NDNF: variants seen among roughly 807,000 people sequenced by gnomAD.
NDNF encodes neuron derived neurotrophic factor, also known as protein NDNF.
A neutral mutation model predicts 42.0 loss-of-function variants in NDNF; 16 were observed. The ratio of observed to expected loss-of-function variants is 0.38; its 90% CI spans 0.26 to 0.58. NDNF has a LOEUF of 0.58. NDNF is among the 20% of genes least tolerant of loss of function. The pLI is 0.67. For synonymous variants in NDNF, 248 were observed against 251.7 expected, an observed-to-expected ratio of 0.99 and a Z score of 0.14; for missense variants, 616 against 666.2, an observed-to-expected ratio of 0.92 and a Z score of 0.83.
intron 3 of NDNF, 37 bp downstream of exon 3, chr4:121,039,893 T>C: frequency 6.3e-7 from 1 of 1,594,076 alleles, no homozygotes. Context: ...AAACCATCCA[T>C]TCAAAGGTCC....
chr4:121,070,776 C>A (rs753746190), intron 1 of NDNF, among the ~76,000 whole-genome samples: 1 of 152,160 alleles, frequency 6.6e-6, no homozygotes, highest in East Asian at 1.9e-4. Context: ...CCCAGACATA[C>A]ACTCAGGTTC....
chr4:121,038,391 T>TAAAATAAAAC (rs1560602803), intron 3 of NDNF, among the ~76,000 whole-genome samples: 4 of 149,504 alleles, frequency 2.7e-5, no homozygotes, highest in East Asian at 2.0e-4. Context: ...TAAAATAAAA[T>TAAAATAAAAC]AAAACAAAAC....
chr4:121,054,322 C>G (rs1048298591), intron 1 of NDNF, among the ~76,000 whole-genome samples: 1 of 152,222 alleles, frequency 6.6e-6, no homozygotes, highest in Non-Finnish European at 1.5e-5. Flanking sequence ...AGCATTTCTA[C>G]TCATTCATTA....
intron 1 of NDNF, among the ~76,000 whole-genome samples, chr4:121,067,178 C>A (rs372638114): frequency 6.6e-6 from 1 of 152,052 alleles, no homozygotes; most frequent in Non-Finnish European, 1.5e-5. Flanking sequence ...TATAACCTTA[C>A]CATTATTCCT....
chr4:121,065,432 C>T (rs1020199219), intron 1 of NDNF, among the ~76,000 whole-genome samples: 2 of 151,696 alleles, frequency 1.3e-5, no homozygotes, highest in African/African-American at 4.8e-5. Context: ...AGGCAATGGG[C>T]AACCTTCGAT....
At chr4:121,049,891 T>G (rs1012862774) in intron 1 of NDNF, among the ~76,000 whole-genome samples, 1 of 152,234 alleles carries the variant, frequency 6.6e-6, no homozygotes, top group Non-Finnish European at 1.5e-5. Context: ...AAAATTTGTA[T>G]GGACCCCAAA....
chr4:121,069,487 T>C (rs1471717996), intron 1 of NDNF, among the ~76,000 whole-genome samples: 6 of 152,258 alleles, frequency 3.9e-5, no homozygotes, highest in Admixed American at 3.9e-4. Flanking sequence ...ACATAATTCA[T>C]AGCAATTTAG....
At chr4:121,049,722 A>G (rs1237928767) in intron 1 of NDNF, among the ~76,000 whole-genome samples, 1 of 152,188 alleles carries the variant, frequency 6.6e-6, no homozygotes, top group Non-Finnish European at 1.5e-5. Context: ...ACAATCACCA[A>G]TAGATAATGG....
intron 1 of NDNF, among the ~76,000 whole-genome samples, chr4:121,052,332 CA>C (rs1436216167): frequency 6.6e-6 from 1 of 151,694 alleles, no homozygotes; most frequent in East Asian, 1.9e-4. Context: ...TTTACAATGA[CA>C]AAAAAGGATG....
chr4:121,063,814 T>C (rs1453599437), intron 1 of NDNF, among the ~76,000 whole-genome samples: 4 of 152,176 alleles, frequency 2.6e-5, no homozygotes, highest in Admixed American at 2.0e-4. Context: ...AGGAGAGATA[T>C]GGGGATTATT....
rs1474592117 is a variant in NDNF at position 121,072,034 on chromosome 4, C to G, written c.-43G>C. The G allele has an allele frequency of 6.6e-6, 1 of 152,288 alleles. No individual in the cohort carries two copies. The highest frequency in any genetic ancestry group is 1.5e-5 in the Non-Finnish European group (1 of 68,140). 9.4% of individuals were successfully genotyped at this position (152,288 alleles called of 1,614,324 possible). On this transcript the variant is annotated 5_prime_UTR_variant, in exon 1 of 4. Transcript: ENST00000379692. ...TTTCGTAGGGAAAATAGAAAAAAAT[C>G]CCTCCCCGTGGTGTGGTGTGCGAAA...
chr4:121,049,892 G>C (rs1248776719), intron 1 of NDNF, among the ~76,000 whole-genome samples: 1 of 152,120 alleles, frequency 6.6e-6, no homozygotes. Flanking sequence ...AAATTTGTAT[G>C]GACCCCAAAC....
intron 1 of NDNF, among the ~76,000 whole-genome samples, chr4:121,063,658 T>C (rs2148771944): frequency 6.6e-6 from 1 of 152,280 alleles, no homozygotes; most frequent in African/African-American, 2.4e-5. Flanking sequence ...TTACCTTTTA[T>C]GATTAGAGGA....
chr4:121,069,190 G>A (rs1056217220), intron 1 of NDNF, among the ~76,000 whole-genome samples: 3 of 152,110 alleles, frequency 2.0e-5, no homozygotes, highest in African/African-American at 7.2e-5. Flanking sequence ...TTAAGCTGAC[G>A]ACTGACCTAC....
At position 121,036,291 on chromosome 4, in the gene NDNF, C is replaced by T. The variant is rs758461468; in HGVS notation, c.1680G>A (p.Lys560=). ...HGGHSVKYQS[K]VVKTRKFC Reference sequence around the variant, plus strand: ...AACAGAACTTTCTAGTTTTCACAACCTTACTCTGATACTTTACAGAGTGCC... The same window carrying T: ...AACAGAACTTTCTAGTTTTCACAACTTTACTCTGATACTTTACAGAGTGCC... The change falls in exon 4 of 4, where the codon AAG becomes AAA. Residue 560 remains lysine (K), a synonymous_variant. Coordinates refer to ENST00000379692, the MANE Select transcript of NDNF (RefSeq NM_024574.4). 6.2e-7 allele frequency: 1 copy of T among 1,610,286 alleles called. No homozygotes were observed. Among genetic ancestry groups the T allele is most frequent in the Non-Finnish European group, 8.5e-7 (1 of 1,178,790 alleles).
chr4:121,043,714 T>C (rs1727043084), intron 2 of NDNF, among the ~76,000 whole-genome samples: 1 of 152,214 alleles, frequency 6.6e-6, no homozygotes, highest in African/African-American at 2.4e-5. Context: ...TTGGATTACA[T>C]AATGTGGAAT....
chr4:121,054,664 GCAAAGGCA>G (rs954832519), intron 1 of NDNF, among the ~76,000 whole-genome samples: 1 of 152,222 alleles, frequency 6.6e-6, no homozygotes, highest in Non-Finnish European at 1.5e-5. Flanking sequence ...AATAGCTGGT[GCAAAGGCA>G]CCAAGGTTGC....
intron 1 of NDNF, among the ~76,000 whole-genome samples, chr4:121,069,952 C>T (rs1180934474): frequency 6.6e-6 from 1 of 152,054 alleles, no homozygotes; most frequent in African/African-American, 2.4e-5. Flanking sequence ...AATTATGTTG[C>T]CAAGTTTTTT....
chr4:121,053,061 G>A (rs555392098), intron 1 of NDNF, among the ~76,000 whole-genome samples: 22 of 152,212 alleles, frequency 1.4e-4, no homozygotes, highest in African/African-American at 3.9e-4. Flanking sequence ...TACAGAACTC[G>A]TGCACTAAAG....
Sources: gnomAD v4.1 joint callset for allele counts (sites outside exome capture counted in the v4.1 genomes callset) on GRCh38, gnomAD v4.1.1 for gene constraint, MANE v1.5 for transcripts, NCBI Gene and HGNC (gene_info 2026-07-23, HGNC 2026-07-21) for gene names.